EVI5: variants seen among roughly 807,000 people sequenced by gnomAD.
The protein encoded by EVI5 is ecotropic viral integration site 5, also known as ecotropic viral integration site 5 protein homolog.
EVI5 carries 73 observed loss-of-function variants against 112.0 expected under a neutral mutation model. The ratio of observed to expected loss-of-function variants is 0.65; its 90% CI spans 0.54 to 0.79. The LOEUF is 0.79. Among genes scored for constraint, EVI5 ranks in the 30% least tolerant of loss-of-function variants. The probability of loss-of-function intolerance (pLI) is 0.00; values close to 1 mark genes in which losing one functional copy is unlikely to be tolerated. For missense variants in EVI5, 900 were observed against 968.8 expected (o/e 0.93, Z 0.94); for synonymous variants, 305 against 319.9 (o/e 0.95, Z 0.50).
intron 18 of EVI5, 124 bp downstream of exon 18, chr1:92,605,183 T>A: frequency 2.9e-6 from 2 of 682,382 alleles, no homozygotes; most frequent in South Asian, 1.9e-5. Context: ...TAAAAAAAAA[T>A]TGGAAATGAA....
Position 92,790,823 on chromosome 1 carries a change from CA to C in EVI5, c.51+1520del, listed in dbSNP as rs796844421. On this transcript the variant is annotated intron_variant, in intron 1 of 17. Transcript: ENST00000370331. ...TGGGCAACAGAGCAAGATCCTGTCT[CA>C]AAAAAAAAAAAAAGGAAAGAATAGC... is the stretch of plus-strand genomic sequence containing the variant. Among the ~76,000 whole-genome samples, 1,088 of 123,916 alleles carry C rather than the reference CA, an allele frequency of 8.8e-3. 5 individuals are homozygous for C. Among genetic ancestry groups the C allele is most frequent in the African/African-American group, 0.02 (676 of 33,748 alleles). The allele number at this position is 123,916 out of a possible 152,430, so 81.3% of individuals were successfully genotyped here.
intron 14 of EVI5, among the ~76,000 whole-genome samples, chr1:92,634,764 A>C (rs935482195): frequency 6.6e-6 from 1 of 152,154 alleles, no homozygotes; most frequent in African/African-American, 2.4e-5. Flanking sequence ...TCTGCTTTTT[A>C]GAATTTTCAG....
chr1:92,637,236 G>A (rs1319673901), intron 13 of EVI5, among the ~76,000 whole-genome samples: 3 of 152,086 alleles, frequency 2.0e-5, no homozygotes, highest in Admixed American at 6.6e-5. Context: ...AAATTAGCTG[G>A]GCATGGTGGC....
At chr1:92,749,225 T>C (rs1570750679) in intron 1 of EVI5, 1 of 337,686 alleles carries the variant, frequency 3.0e-6, no homozygotes, top group Non-Finnish European at 5.9e-6. Flanking sequence ...GCAGCTTTTG[T>C]AGCCAGTTGC....
intron 18 of EVI5, among the ~76,000 whole-genome samples, chr1:92,589,627 C>A (rs1436063100): frequency 6.6e-6 from 1 of 152,214 alleles, no homozygotes; most frequent in African/African-American, 2.4e-5. Flanking sequence ...GAAGCTCCAA[C>A]TGGGTGGAGC....
chr1:92,742,436 G>A (rs1678556400), intron 1 of EVI5, among the ~76,000 whole-genome samples: 1 of 151,948 alleles, frequency 6.6e-6, no homozygotes, highest in Non-Finnish European at 1.5e-5. Flanking sequence ...ACTTCGGGAG[G>A]CTGAAGCAGG....
At chr1:92,704,408 G>A (rs1671665198) in intron 3 of EVI5, 147 bp downstream of exon 3, 1 of 442,658 alleles carries the variant, frequency 2.3e-6, no homozygotes, top group South Asian at 7.7e-5. Flanking sequence ...AACTTTTAGG[G>A]GTACAAGTAA....
At chr1:92,592,144 G>C (rs192988112) in intron 18 of EVI5, among the ~76,000 whole-genome samples, 7 of 152,330 alleles carry the variant, frequency 4.6e-5, no homozygotes, top group Non-Finnish European at 8.8e-5. Context: ...TTGGGAGGCT[G>C]AGGCAGGAGA....
chr1:92,687,662 A>C (rs187389647), intron 9 of EVI5, among the ~76,000 whole-genome samples: 61 of 152,346 alleles, frequency 4.0e-4, no homozygotes, highest in African/African-American at 1.3e-3. Flanking sequence ...GCTAATATCC[A>C]GCATCTACAA....
chr1:92,704,446 A>T (rs552947538), intron 3 of EVI5, 109 bp downstream of exon 3: 2 of 613,922 alleles, frequency 3.3e-6, no homozygotes, highest in African/African-American at 3.7e-5. Context: ...AGACCTCTTT[A>T]ATATATAGCT....
intron 16 of EVI5, among the ~76,000 whole-genome samples, chr1:92,608,029 T>TA (rs569457062): frequency 3.4e-4 from 51 of 151,500 alleles, no homozygotes; most frequent in African/African-American, 1.1e-3. Flanking sequence ...CGGGCACCTG[T>TA]AGTCCCAGGT....
chr1:92,682,222 G>A (rs117533972), intron 9 of EVI5, among the ~76,000 whole-genome samples: 15 of 152,070 alleles, frequency 9.9e-5, no homozygotes, highest in East Asian at 7.7e-4. Context: ...CCCATGACTC[G>A]CACTCTTACT....
At chr1:92,790,268 C>G (rs979164733) in intron 1 of EVI5, among the ~76,000 whole-genome samples, 1 of 152,014 alleles carries the variant, frequency 6.6e-6, no homozygotes, top group Non-Finnish European at 1.5e-5. Context: ...AAGATCACAC[C>G]CCTGCACTCC....
At chr1:92,569,376 T>C (rs1669964433) in intron 18 of EVI5, among the ~76,000 whole-genome samples, 1 of 152,232 alleles carries the variant, frequency 6.6e-6, no homozygotes, top group Admixed American at 6.5e-5. Context: ...GTATTTACTT[T>C]AATATTTATT....
intron 18 of EVI5, among the ~76,000 whole-genome samples, chr1:92,597,838 C>G (rs750980463): frequency 6.6e-6 from 1 of 152,160 alleles, no homozygotes; most frequent in African/African-American, 2.4e-5. Context: ...GTGGGCAGAT[C>G]GCTTGAGCTC....
chr1:92,722,940 T>C (rs962513936), intron 2 of EVI5, among the ~76,000 whole-genome samples: 1 of 152,150 alleles, frequency 6.6e-6, no homozygotes, highest in African/African-American at 2.4e-5. Context: ...AGAAAACCTT[T>C]AAAAGGGCTT....
At chr1:92,729,650 C>A (rs1676138003) in intron 2 of EVI5, among the ~76,000 whole-genome samples, 1 of 152,182 alleles carries the variant, frequency 6.6e-6, no homozygotes, top group South Asian at 2.1e-4. Context: ...GACCTATGCA[C>A]ATCCTCCTTA....
At chr1:92,546,528 C>T (rs1179087000) in intron 19 of EVI5, among the ~76,000 whole-genome samples, 2 of 152,178 alleles carry the variant, frequency 1.3e-5, no homozygotes, top group African/African-American at 4.8e-5. Context: ...GAAACCCCGT[C>T]TCTACTAAAA....
intron 1 of EVI5, among the ~76,000 whole-genome samples, chr1:92,762,552 C>A: frequency 6.6e-6 from 1 of 152,184 alleles, no homozygotes; most frequent in East Asian, 1.9e-4. Flanking sequence ...CTAAAACTAA[C>A]TGTAGAACAT....
Sources: allele counts gnomAD v4.1 joint callset (sites outside exome capture counted in the v4.1 genomes callset), GRCh38; gene constraint gnomAD v4.1.1; transcripts MANE v1.5; gene names NCBI Gene and HGNC (gene_info 2026-07-23, HGNC 2026-07-21).